Variants in HOMER1 observed in about 807,000 individuals in gnomAD.
The protein encoded by HOMER1 is homer protein homolog 1.
A neutral mutation model predicts 48.9 loss-of-function variants in HOMER1; 3 were observed. The observed-to-expected ratio is 0.06, with a 90% CI of 0.03 to 0.16. HOMER1 has a LOEUF of 0.16. HOMER1 is among the 10% of genes least tolerant of loss of function. The pLI, the probability that HOMER1 is intolerant of heterozygous loss-of-function variation, is 1.00. For missense variants in HOMER1, 247 were observed against 411.4 expected, an observed-to-expected ratio of 0.60 and a Z score of 3.46; for synonymous variants, 134 against 146.4, an observed-to-expected ratio of 0.92 and a Z score of 0.61.
chr5:79,397,487 A>G, intron 7 of HOMER1, 40 bp downstream of exon 7: 1 of 1,125,646 alleles, frequency 8.9e-7, no homozygotes. Context: ...TTGTACAAAC[A>G]TGTTAGCTAG....
At chr5:79,420,312 C>T (rs1243591319) in intron 5 of HOMER1, among the ~76,000 whole-genome samples, 4 of 152,138 alleles carry the variant, frequency 2.6e-5, no homozygotes, top group South Asian at 2.1e-4. Context: ...GTCACTACCA[C>T]GACCTCAGAT....
chr5:79,474,570 T>C (rs961718302), intron 1 of HOMER1, among the ~76,000 whole-genome samples: 1 of 152,146 alleles, frequency 6.6e-6, no homozygotes, highest in African/African-American at 2.4e-5. Context: ...ATCTGTTTGC[T>C]ATTACACCCA....
intron 1 of HOMER1, among the ~76,000 whole-genome samples, chr5:79,464,336 G>A (rs1371474787): frequency 1.3e-5 from 2 of 152,114 alleles, no homozygotes; most frequent in Non-Finnish European, 2.9e-5. Flanking sequence ...GAAGTAAACA[G>A]GAAAGTAAGA....
At chr5:79,481,234 A>G (rs1000785179) in intron 1 of HOMER1, among the ~76,000 whole-genome samples, 1 of 152,228 alleles carries the variant, frequency 6.6e-6, no homozygotes, top group African/African-American at 2.4e-5. Flanking sequence ...TTTAACTGTG[A>G]TATTTTAAGA....
At chr5:79,458,718 C>T (rs1337027367) in intron 1 of HOMER1, among the ~76,000 whole-genome samples, 1 of 152,056 alleles carries the variant, frequency 6.6e-6, no homozygotes, top group African/African-American at 2.4e-5. Flanking sequence ...TTGTGCCACT[C>T]CCTAAAAAAT....
intron 1 of HOMER1, among the ~76,000 whole-genome samples, chr5:79,502,953 G>T (rs761718394): frequency 6.6e-6 from 1 of 151,100 alleles, no homozygotes; most frequent in Admixed American, 6.6e-5. Context: ...ACCACGCCCG[G>T]CTAATTTTTT....
At chr5:79,448,330 C>T (rs1257968475) in intron 3 of HOMER1, among the ~76,000 whole-genome samples, 1 of 152,182 alleles carries the variant, frequency 6.6e-6, no homozygotes, top group Non-Finnish European at 1.5e-5. Context: ...GTTTTTCTTA[C>T]ACTAATTTAA....
At chr5:79,509,192 G>A (rs923547030) in intron 1 of HOMER1, among the ~76,000 whole-genome samples, 1 of 152,128 alleles carries the variant, frequency 6.6e-6, no homozygotes, top group South Asian at 2.1e-4. Flanking sequence ...AAGTTATTTG[G>A]GGAAAGAGGG....
rs76027704 is a variant in HOMER1 at position 79,382,729 on chromosome 5, T to C, written c.877-6532A>G. 8.5e-3 allele frequency among the ~76,000 whole-genome samples: 1,289 copies of C among 152,256 alleles called. 20 individuals are homozygous for C. Among genetic ancestry groups the C allele is most frequent in the African/African-American group, 0.028 (1,163 of 41,554 alleles). ...TGAGAGCACATGAAAGTATAAAATA[T>C]TGTTAAACACAAATAAAAAAGAGAA... On this transcript the variant is annotated intron_variant, in intron 8 of 8. Coordinates refer to ENST00000334082, the MANE Select transcript of HOMER1 (RefSeq NM_004272.5).
intron 1 of HOMER1, among the ~76,000 whole-genome samples, chr5:79,490,957 A>G (rs1057047864): frequency 4.0e-5 from 6 of 150,612 alleles, no homozygotes; most frequent in Non-Finnish European, 7.4e-5. Flanking sequence ...AGATAAATAG[A>G]TAAGTTTCTT....
In HOMER1 at chr5:79,513,089, C is replaced by T. The variant is rs566809748; in HGVS notation, c.-315G>A. ...AGGGAAATGCAGAATCCGGCTTCAC[C>T]GAGTCCTATAAAAAATGAGTTCGCT... is the stretch of plus-strand genomic sequence containing the variant. On this transcript the variant is annotated 5_prime_UTR_variant, in exon 1 of 9. Coordinates refer to ENST00000334082, the MANE Select transcript of HOMER1 (RefSeq NM_004272.5). The T allele has an allele frequency of 3.5e-5, 14 of 399,594 alleles. No individual in the cohort carries two copies. Among genetic ancestry groups the T allele is most frequent in the African/African-American group, 1.3e-4 (6 of 47,826 alleles). The allele number at this position is 399,594 out of a possible 1,614,324, so 24.8% of individuals were successfully genotyped here. A position where few individuals can be genotyped will look rare whatever the true frequency, so the allele number is the denominator to read the frequency against.
chr5:79,492,901 CTTTGTCT>C (rs1304006595), intron 1 of HOMER1, among the ~76,000 whole-genome samples: 40 of 127,088 alleles, frequency 3.1e-4, no homozygotes, highest in African/African-American at 1.1e-3. Flanking sequence ...AAAACGAAAA[CTTTGTCT>C]TTTTTTTTTT....
intron 1 of HOMER1, among the ~76,000 whole-genome samples, chr5:79,467,336 A>T (rs1751498085): frequency 7.0e-6 from 1 of 142,056 alleles, no homozygotes; most frequent in Non-Finnish European, 1.5e-5. Context: ...GGTTGCAGTG[A>T]GCCGAGATTG....
At chr5:79,379,384 T>A (rs1336308218) in intron 8 of HOMER1, among the ~76,000 whole-genome samples, 2 of 115,176 alleles carry the variant, frequency 1.7e-5, no homozygotes, top group African/African-American at 7.0e-5. Context: ...TTATATATTT[T>A]ATATATTATA....
At chr5:79,382,616 G>A (rs961073731) in intron 8 of HOMER1, among the ~76,000 whole-genome samples, 13 of 152,132 alleles carry the variant, frequency 8.5e-5, no homozygotes, top group Admixed American at 8.5e-4. Context: ...AGCAAAAGCT[G>A]AAAGAATTCA....
chr5:79,397,345 A>T (rs1002346068), intron 7 of HOMER1, among the ~76,000 whole-genome samples, 182 bp downstream of exon 7: 10 of 152,212 alleles, frequency 6.6e-5, no homozygotes, highest in Non-Finnish European at 4.4e-5. Flanking sequence ...ACAGTTCATA[A>T]TAACAGAAAT....
intron 5 of HOMER1, among the ~76,000 whole-genome samples, chr5:79,405,503 G>A (rs1749640456): frequency 1.3e-5 from 2 of 152,140 alleles, no homozygotes; most frequent in South Asian, 4.1e-4. Flanking sequence ...TGGCTTTTCT[G>A]TGATGAGCTC....
At position 79,425,949 on chromosome 5, in the gene HOMER1, C is replaced by G. The variant is rs138461110; in HGVS notation, c.527+13061G>C. Among the ~76,000 whole-genome samples, 2 of 151,820 alleles carry G rather than the reference C, an allele frequency of 1.3e-5. 1 individual carries two copies. The highest frequency in any genetic ancestry group is 1.3e-4 in the Admixed American group (2 of 15,240). On this transcript the variant is annotated intron_variant, in intron 5 of 8. Transcript: ENST00000334082. ...TTTTGCTAATATAAAGTTCCAATAGCCTTATGTTACAGACACCGATGCAGC... is the reference window on the plus strand; with the variant it reads ...TTTTGCTAATATAAAGTTCCAATAGGCTTATGTTACAGACACCGATGCAGC...
At position 79,451,618 on chromosome 5, in the gene HOMER1, T is replaced by G. The variant is rs370824702; in HGVS notation, c.163-497A>C. Reference sequence around the variant, plus strand: ...TCTTGCTCTGTCGCCCAGGCTGGAGTGCAGTGGCGTGATCTCGGCTAACTG... The same window carrying G: ...TCTTGCTCTGTCGCCCAGGCTGGAGGGCAGTGGCGTGATCTCGGCTAACTG... On this transcript the variant is annotated intron_variant, in intron 2 of 8. Transcript: ENST00000334082. Among the ~76,000 whole-genome samples, 7 of 132,392 alleles carry G rather than the reference T, an allele frequency of 5.3e-5. No homozygotes were observed. In the East Asian group the frequency reaches 1.5e-3, roughly 29 times the overall value. The allele number at this position is 132,392 out of a possible 152,430, so 86.9% of individuals were successfully genotyped here. A position where few individuals can be genotyped will look rare whatever the true frequency, so the allele number is the denominator to read the frequency against.
Sources: gnomAD v4.1 joint callset for allele counts (sites outside exome capture counted in the v4.1 genomes callset) on GRCh38, gnomAD v4.1.1 for gene constraint, MANE v1.5 for transcripts, NCBI Gene and HGNC (gene_info 2026-07-23, HGNC 2026-07-21) for gene names.